Variants in EEF1AKMT2 observed in about 807,000 individuals in gnomAD.
EEF1AKMT2 encodes the protein eukaryotic translation elongation factor 1 alpha lysine methyltransferase 2.
Under a neutral mutation model 35.8 loss-of-function variants are expected in EEF1AKMT2, and 32 were observed. That is an observed-to-expected ratio of 0.89 (90% CI 0.67 to 1.20). The LOEUF (loss-of-function observed/expected upper bound fraction) is 1.20, where lower values mean the gene tolerates loss of function less well. Among genes scored for constraint, EEF1AKMT2 ranks in the 50% most tolerant of loss-of-function variants. The pLI is 0.00. For synonymous variants in EEF1AKMT2, 121 were observed against 133.7 expected (o/e 0.91, Z 0.65); for missense variants, 330 against 347.5 (o/e 0.95, Z 0.40).
At chr10:124,788,993 A>G in intron 3 of EEF1AKMT2, 50 bp downstream of exon 3, 2 of 1,384,668 alleles carry the variant, frequency 1.4e-6, no homozygotes, top group Non-Finnish European at 2.0e-6. Flanking sequence ...GCCTTTAAAA[A>G]TTTTCCTTTT....
rs1225629656 is a variant in EEF1AKMT2, at chr10:124,786,820, GAAAGAAAA to G, written c.291+2215_291+2222del. Among the ~76,000 whole-genome samples the G allele has an allele frequency of 6.6e-5, 10 of 151,032 alleles. No homozygotes were observed. The East Asian group carries it at 9.8e-4, about 15-fold the overall frequency. On this transcript the variant is annotated intron_variant, in intron 3 of 6. Coordinates refer to ENST00000368836, the MANE Select transcript of EEF1AKMT2 (RefSeq NM_212554.4). Reference sequence around the variant, plus strand: ...GTGAAACTCCATCTCAAAAAAAAAAGAAAGAAAAAGAAAAGAAAATAATCTACAAGCTA... The same window carrying G: ...GTGAAACTCCATCTCAAAAAAAAAAGAGAAAAGAAAATAATCTACAAGCTA...
intron 4 of EEF1AKMT2, chr10:124,765,814 G>A (rs973549289): frequency 4.0e-6 from 2 of 499,282 alleles, no homozygotes; most frequent in Non-Finnish European, 7.1e-6. Flanking sequence ...AGAGAGACTG[G>A]TATTTCCTGA....
intron 4 of EEF1AKMT2, among the ~76,000 whole-genome samples, chr10:124,772,988 T>G (rs1950451362): frequency 6.6e-6 from 1 of 152,224 alleles, no homozygotes; most frequent in Admixed American, 6.5e-5. Context: ...TTAATTTCCT[T>G]AAAGAAATTT....
Position 124,789,080 on chromosome 10 carries a change from T to C in EEF1AKMT2, c.254A>G (p.Asp85Gly). 6.2e-7 allele frequency: 1 copy of C among 1,613,500 alleles called. No individual in the cohort carries two copies. Among genetic ancestry groups the C allele is most frequent in the Non-Finnish European group, 8.5e-7 (1 of 1,179,738 alleles). ...GAAAACACCATTTCCAGTTCCAATA[T>C]CAAGCACTGAAGCATCCAGTGGAAT... ...HKIPLDASVL[D>G]IGTGNGVFLV... is the part of the protein sequence containing the mutation. The change falls in exon 3 of 7, where the codon GAT (aspartate) becomes GGT (glycine). Residue 85 changes from aspartate to glycine, a missense_variant. Physicochemically the swap from Asp to Gly is moderately conservative, Grantham distance 94. Coordinates refer to ENST00000368836, the MANE Select transcript of EEF1AKMT2 (RefSeq NM_212554.4).
chr10:124,785,657 G>A (rs906149474), intron 3 of EEF1AKMT2, among the ~76,000 whole-genome samples: 1 of 152,072 alleles, frequency 6.6e-6, no homozygotes, highest in African/African-American at 2.4e-5. Flanking sequence ...ACTTCAGGAG[G>A]CCAAGGTGGG....
At chr10:124,769,683 G>C (rs1226737695) in intron 4 of EEF1AKMT2, among the ~76,000 whole-genome samples, 1 of 151,688 alleles carries the variant, frequency 6.6e-6, no homozygotes. Context: ...ATGGTGGCTC[G>C]CACCTGTAAT....
chr10:124,760,334 C>T lies in EEF1AKMT2; in HGVS notation c.*169G>A. ...TGTACTTACTAAGCATTTATTTGCA[C>T]AAGGATTTTCTGTGTCAGGTTAACT... On this transcript the variant is annotated 3_prime_UTR_variant, in exon 7 of 7. Transcript: ENST00000368836. 1.0e-6 allele frequency: 1 copy of T among 980,054 alleles called. No homozygotes were observed. Among genetic ancestry groups the T allele is most frequent in the Non-Finnish European group, 1.6e-6 (1 of 640,444 alleles). 60.7% of individuals were successfully genotyped at this position (980,054 alleles called of 1,614,324 possible).
At chr10:124,775,270 C>T (rs1950478980) in intron 3 of EEF1AKMT2, among the ~76,000 whole-genome samples, 1 of 152,180 alleles carries the variant, frequency 6.6e-6, no homozygotes, top group Non-Finnish European at 1.5e-5. Flanking sequence ...CATTTGTATA[C>T]TACTTTTACG....
chr10:124,782,211 G>GT (rs2134138510), intron 3 of EEF1AKMT2, among the ~76,000 whole-genome samples: 1 of 152,224 alleles, frequency 6.6e-6, no homozygotes, highest in South Asian at 2.1e-4. Flanking sequence ...AAAAACAGAG[G>GT]TAAGGCCAGG....
chr10:124,756,258 T>G (rs78186406), downstream of EEF1AKMT2, among the ~76,000 whole-genome samples: 5,706 of 152,252 alleles, frequency 0.037, 147 homozygotes, highest in South Asian at 0.099. Context: ...AAATGTAGAT[T>G]TTGGCTTTTT....
chr10:124,787,164 G>T (rs1196995286), intron 3 of EEF1AKMT2, among the ~76,000 whole-genome samples: 1 of 146,858 alleles, frequency 6.8e-6, no homozygotes, highest in Non-Finnish European at 1.5e-5. Flanking sequence ...GCCAAGGCAT[G>T]GTCTCGATCT....
intron 3 of EEF1AKMT2, 37 bp from the exon 4 acceptor site, chr10:124,774,819 T>A: frequency 2.0e-6 from 2 of 999,490 alleles, no homozygotes; most frequent in Non-Finnish European, 2.8e-6. Context: ...GTATAAAATT[T>A]TAATATAATG....
Position 124,789,139 on chromosome 10 carries a change from C to A in EEF1AKMT2, c.195G>T (p.Met65Ile). 6.2e-7 allele frequency: 1 copy of A among 1,612,556 alleles called. No homozygotes were observed. The highest frequency in any genetic ancestry group is 8.5e-7 in the Non-Finnish European group (1 of 1,179,030). The change falls in exon 3 of 7, where the codon ATG becomes ATT. Residue 65 changes from methionine (M) to isoleucine (I), a missense_variant. By Grantham distance (10) the Met-to-Ile change is conservative. Coordinates refer to ENST00000368836, the MANE Select transcript of EEF1AKMT2 (RefSeq NM_212554.4). ...TCTGCATCCACCTTATTAGTCGATT[C>A]ATACTCTCTTCTCCAAACCTGTTAG... The part of the protein sequence containing the change: ...TGEIWFGEES[M>I]NRLIRWMQKH...
chr10:124,772,676 C>T lies in EEF1AKMT2; in HGVS notation c.399+1999G>A, dbSNP rs1264177066. ...CTCCTGGCCTCAGGTGATCCTCCCACCTTGGCCTCCCAAAGTGCTAGGATT... is the reference window on the plus strand; with the variant it reads ...CTCCTGGCCTCAGGTGATCCTCCCATCTTGGCCTCCCAAAGTGCTAGGATT... On this transcript the variant is annotated intron_variant, in intron 4 of 6. Coordinates refer to ENST00000368836, the MANE Select transcript of EEF1AKMT2 (RefSeq NM_212554.4). Among the ~76,000 whole-genome samples the T allele has an allele frequency of 2.0e-5, 3 of 152,152 alleles. No homozygotes were observed. In the East Asian group the frequency reaches 5.8e-4, roughly 29 times the overall value.
At chr10:124,760,565 A>C in intron 6 of EEF1AKMT2, 62 bp from the exon 7 acceptor site, 1 of 1,276,358 alleles carries the variant, frequency 7.8e-7, no homozygotes, top group Admixed American at 1.7e-5. Flanking sequence ...ATGTATTTAT[A>C]TGCATGCATT....
In EEF1AKMT2 at chr10:124,762,455, T is replaced by C; in HGVS notation, c.720A>G (p.Thr240=). 1 of 1,301,386 alleles carries C rather than the reference T, an allele frequency of 7.7e-7. No individual in the cohort carries two copies. The highest frequency in any genetic ancestry group is 1.0e-6 in the Non-Finnish European group (1 of 986,468). The allele number at this position is 1,301,386 out of a possible 1,614,324, so 80.6% of individuals were successfully genotyped here. A position where few individuals can be genotyped will look rare whatever the true frequency, so the allele number is the denominator to read the frequency against. ...CAAAAATTATCCAGGCATGATGATG[T>C]GTGCCTGTAGTTCCACCTACTCGGG... The part of the protein sequence containing the change: ...SASRVGGTTG[T]HHHAWIIFVF... Residue 240 remains threonine (T), a synonymous_variant, in exon 6 of 7, where the codon ACA becomes ACG. Transcript: ENST00000368836.
intron 2 of EEF1AKMT2, 140 bp from the exon 3 acceptor site, chr10:124,789,297 C>T: frequency 1.7e-6 from 1 of 576,320 alleles, no homozygotes; most frequent in Non-Finnish European, 3.0e-6. Flanking sequence ...TTTGTCTCTA[C>T]TGTAATTTAG....
chr10:124,757,548 T>A (rs1037880690), downstream of EEF1AKMT2, among the ~76,000 whole-genome samples: 2 of 152,116 alleles, frequency 1.3e-5, no homozygotes, highest in African/African-American at 4.8e-5. Flanking sequence ...CTAATATAAG[T>A]TCCTTAAAAA....
At chr10:124,768,471 G>A (rs1473115022) in intron 4 of EEF1AKMT2, among the ~76,000 whole-genome samples, 3 of 152,044 alleles carry the variant, frequency 2.0e-5, no homozygotes, top group Admixed American at 6.6e-5. Flanking sequence ...TAGGCCGGGC[G>A]CAGTGACTCA....
Sources: allele counts gnomAD v4.1 joint callset (sites outside exome capture counted in the v4.1 genomes callset), GRCh38; gene constraint gnomAD v4.1.1; transcripts MANE v1.5; gene names NCBI Gene and HGNC (gene_info 2026-07-23, HGNC 2026-07-21).